DLGAP1: variants seen among roughly 807,000 people sequenced by gnomAD.
The protein encoded by DLGAP1 is disks large-associated protein 1.
DLGAP1 carries 11 observed loss-of-function variants against 90.8 expected under a neutral mutation model. That is an observed-to-expected ratio of 0.12 (90% confidence interval 0.08 to 0.20). DLGAP1 has a LOEUF of 0.20. Ranked by LOEUF, DLGAP1 falls within the 10% of genes least tolerant of loss-of-function variation. DLGAP1 has a pLI of 1.00. For synonymous variants in DLGAP1, 558 were observed against 540.7 expected, an observed-to-expected ratio of 1.03 and a Z score of -0.44; for missense variants, 1,050 against 1,333.8, an observed-to-expected ratio of 0.79 and a Z score of 3.31.
chr18:3,764,147 A>G (rs1026812072), intron 5 of DLGAP1, among the ~76,000 whole-genome samples: 2 of 152,248 alleles, frequency 1.3e-5, no homozygotes, highest in African/African-American at 4.8e-5. Flanking sequence ...AAGGATTATT[A>G]TAACAATTAC....
chr18:4,263,758 A>G (rs887987165), intron 1 of DLGAP1, among the ~76,000 whole-genome samples: 7 of 152,202 alleles, frequency 4.6e-5, no homozygotes, highest in African/African-American at 1.7e-4. Context: ...ATCAAATTCA[A>G]TAGGTGCTCT....
intron 5 of DLGAP1, among the ~76,000 whole-genome samples, chr18:3,779,457 T>A (rs904850064): frequency 1.3e-5 from 2 of 152,104 alleles, no homozygotes; most frequent in African/African-American, 2.4e-5. Context: ...CCCATAGTAA[T>A]CCATCCAAGC....
Position 4,062,631 on chromosome 18 carries a change from CCG to C in DLGAP1, c.-158-57432_-158-57431del, listed in dbSNP as rs1237318862. Among the ~76,000 whole-genome samples, 314 of 152,156 alleles carry C rather than the reference CCG, an allele frequency of 2.1e-3. 2 individuals carry two copies. Among genetic ancestry groups the C allele is most frequent in the African/African-American group, 7.2e-3 (300 of 41,518 alleles). On this transcript the variant is annotated intron_variant, in intron 2 of 12. Transcript: ENST00000315677. ...CTTATATGGCAAATAATTATTTTTGCCGTGCTTCATGCAAATAATCAGGCCAA... is the reference window on the plus strand; with the variant it reads ...CTTATATGGCAAATAATTATTTTTGCTGCTTCATGCAAATAATCAGGCCAA...
rs776732675 is a variant in DLGAP1 at position 3,775,069 on chromosome 18, C to T, written c.1173-32557G>A. The stretch of plus-strand genomic sequence containing the variant: ...CACAAACCACTGTCGCTCTGCAGGC[C>T]CCACAGGCTTTGTCCCAGGTCACTG... On this transcript the variant is annotated intron_variant, in intron 5 of 12. Coordinates refer to ENST00000315677, the MANE Select transcript of DLGAP1 (RefSeq NM_004746.4). The surrounding 1 kb of genome is among the most constrained non-coding windows in gnomAD (Gnocchi z 4.9). 7.9e-5 allele frequency among the ~76,000 whole-genome samples: 12 copies of T among 152,162 alleles called. No homozygotes were observed. The highest frequency in any genetic ancestry group is 2.9e-5 in the Non-Finnish European group (2 of 68,032).
chr18:3,518,380 G>A (rs1330638345), intron 10 of DLGAP1, among the ~76,000 whole-genome samples: 1 of 152,146 alleles, frequency 6.6e-6, no homozygotes, highest in African/African-American at 2.4e-5. Flanking sequence ...AATCACCATA[G>A]CAGATAGAAT....
intron 2 of DLGAP1, among the ~76,000 whole-genome samples, chr18:4,033,149 A>AT (rs1229156013): frequency 1.4e-5 from 2 of 147,892 alleles, no homozygotes; most frequent in Admixed American, 1.3e-4. Context: ...TAGTTATTTC[A>AT]TTTTTATTTT....
intron 7 of DLGAP1, among the ~76,000 whole-genome samples, chr18:3,582,728 C>T (rs146621527): frequency 1.3e-5 from 2 of 151,878 alleles, no homozygotes; most frequent in South Asian, 4.2e-4. Context: ...TGTGAGGATG[C>T]GTGTTCTGAT....
At chr18:4,240,329 G>A (rs540467431) in intron 1 of DLGAP1, among the ~76,000 whole-genome samples, 102 of 152,114 alleles carry the variant, frequency 6.7e-4, no homozygotes, top group Non-Finnish European at 1.3e-3. Flanking sequence ...TTATCAGTAA[G>A]AATGACCACT....
chr18:4,188,541 C>T (rs1478826606), intron 1 of DLGAP1, among the ~76,000 whole-genome samples: 2 of 152,122 alleles, frequency 1.3e-5, no homozygotes, highest in African/African-American at 4.8e-5. Context: ...GTTCAACTTC[C>T]ACTTATGAGT....
intron 1 of DLGAP1, among the ~76,000 whole-genome samples, chr18:4,193,859 A>G (rs2077445057): frequency 6.6e-6 from 1 of 152,218 alleles, no homozygotes; most frequent in South Asian, 2.1e-4. Context: ...AACAATAAAA[A>G]AAATTGTAAA....
intron 1 of DLGAP1, among the ~76,000 whole-genome samples, chr18:4,350,525 GC>G (rs2081384060): frequency 6.6e-6 from 1 of 151,926 alleles, no homozygotes; most frequent in African/African-American, 2.4e-5. Context: ...CTCCAAATTA[GC>G]CAGTGAGAAT....
At chr18:3,971,507 A>G (rs905378377) in intron 3 of DLGAP1, among the ~76,000 whole-genome samples, 5 of 152,228 alleles carry the variant, frequency 3.3e-5, no homozygotes, top group Non-Finnish European at 5.9e-5. Flanking sequence ...AATAAGTCCA[A>G]TGTATTTTGC....
intron 1 of DLGAP1, among the ~76,000 whole-genome samples, chr18:4,211,926 A>C (rs1328514694): frequency 6.6e-6 from 1 of 152,140 alleles, no homozygotes; most frequent in Non-Finnish European, 1.5e-5. Flanking sequence ...CAAATTCAGG[A>C]GAGAATGCAA....
At chr18:3,662,109 T>A (rs201444108) in intron 7 of DLGAP1, among the ~76,000 whole-genome samples, 1,293 of 92,196 alleles carry the variant, frequency 0.014, 7 homozygotes, top group Non-Finnish European at 0.016. Context: ...AAAAAAAAAA[T>A]TTTTTTTAAA....
At chr18:4,150,034 T>A (rs574365883) in intron 2 of DLGAP1, among the ~76,000 whole-genome samples, 3 of 152,324 alleles carry the variant, frequency 2.0e-5, no homozygotes, top group Admixed American at 6.5e-5. Flanking sequence ...TGGGCATCTG[T>A]ACCCCTCCTG....
chr18:4,304,772 A>T (rs532227659), intron 1 of DLGAP1, among the ~76,000 whole-genome samples: 1 of 152,254 alleles, frequency 6.6e-6, no homozygotes, highest in African/African-American at 2.4e-5. Flanking sequence ...CTGTACTAAA[A>T]ATACAAAATT....
intron 3 of DLGAP1, among the ~76,000 whole-genome samples, chr18:3,985,598 C>T (rs897567573): frequency 2.9e-4 from 44 of 151,266 alleles, no homozygotes; most frequent in Admixed American, 1.1e-3. Context: ...TATATACTTC[C>T]TAGGAAGACT....
At chr18:3,542,339 A>G (rs1254481074) in intron 9 of DLGAP1, among the ~76,000 whole-genome samples, 1 of 152,158 alleles carries the variant, frequency 6.6e-6, no homozygotes, top group Non-Finnish European at 1.5e-5. Flanking sequence ...AGTCAATTTC[A>G]CCTGTTTATT....
chr18:3,812,373 AT>A (rs199630283), intron 5 of DLGAP1, among the ~76,000 whole-genome samples: 87,926 of 146,954 alleles, frequency 0.6, 27,114 homozygotes, highest in Non-Finnish European at 0.7. Flanking sequence ...ATTTCCACGA[AT>A]TTTTTTTTTT....
Sources: allele counts gnomAD v4.1 joint callset (sites outside exome capture counted in the v4.1 genomes callset), GRCh38; gene constraint gnomAD v4.1.1; non-coding constraint Gnocchi (gnomAD v3.1); transcripts MANE v1.5; gene names NCBI Gene and HGNC (gene_info 2026-07-23, HGNC 2026-07-21).